Variants in TENM2 observed in about 807,000 individuals in gnomAD.
TENM2 encodes teneurin-2.
A neutral mutation model predicts 245.2 loss-of-function variants in TENM2; 52 were observed. The observed-to-expected ratio is 0.21, with a 90% confidence interval of 0.17 to 0.27. The LOEUF is 0.27. Among genes scored for constraint, TENM2 ranks in the 10% least tolerant of loss-of-function variants. TENM2 has a pLI of 1.00. For missense variants in TENM2, 3,046 were observed against 3,666.8 expected, an observed-to-expected ratio of 0.83 and a Z score of 4.37; for synonymous variants, 1,363 against 1,438.9, an observed-to-expected ratio of 0.95 and a Z score of 1.19.
At chr5:167,578,105 G>T (rs1774836981) in intron 2 of TENM2, among the ~76,000 whole-genome samples, 1 of 152,186 alleles carries the variant, frequency 6.6e-6, no homozygotes. Flanking sequence ...CACTGGAGAG[G>T]GGTGATCTGG....
At chr5:167,194,550 C>G in the TENM2 span, among the ~76,000 whole-genome samples, 3 of 151,880 alleles carry the variant, frequency 2.0e-5, no homozygotes, top group Admixed American at 6.6e-5. Context: ...ATGTGAGGCA[C>G]CTGTGACTTT....
chr5:167,088,721 A>T, the TENM2 span, among the ~76,000 whole-genome samples: 1 of 152,160 alleles, frequency 6.6e-6, no homozygotes, highest in Admixed American at 6.5e-5. Flanking sequence ...AGCTAATACC[A>T]ATAATGATAC....
rs533362058 is a variant in TENM2, at chr5:167,681,701, C to T, written c.503-194285C>T. 7.9e-5 allele frequency among the ~76,000 whole-genome samples: 12 copies of T among 152,080 alleles called. No individual in the cohort carries two copies. In the East Asian group the frequency reaches 1.7e-3, roughly 22 times the overall value. ...TACATAATACATACAAATATATGTACACATGCCCAAATTGCCCTCCAAAAA... is the reference window on the plus strand; with the variant it reads ...TACATAATACATACAAATATATGTATACATGCCCAAATTGCCCTCCAAAAA... On this transcript the variant is annotated intron_variant, in intron 2 of 28. Coordinates refer to ENST00000518659, the Ensembl canonical transcript of TENM2.
intron 2 of TENM2, among the ~76,000 whole-genome samples, chr5:167,826,093 A>C (rs1201481582): frequency 6.6e-6 from 1 of 152,192 alleles, no homozygotes; most frequent in African/African-American, 2.4e-5. Flanking sequence ...CATGTGCAAA[A>C]AAACAAACAA....
rs1306680068 is a variant in TENM2 at position 168,034,140 on chromosome 5, C to CAT, written c.1187-13280_1187-13279dup. Reference sequence around the variant, plus strand: ...ATATGTGTATATATATATATGTATACATATATATGTGTATATATATATGTA... The same window carrying CAT: ...ATATGTGTATATATATATATGTATACATATATATATGTGTATATATATATGTA... On this transcript the variant is annotated intron_variant, in intron 5 of 28. Transcript: ENST00000518659. Among the ~76,000 whole-genome samples, 4 of 93,140 alleles carry CAT rather than the reference C, an allele frequency of 4.3e-5. No homozygotes were observed. The South Asian group carries it at 1.2e-3, about 29-fold the overall frequency. The allele number at this position is 93,140 out of a possible 152,430, so 61.1% of individuals were successfully genotyped here.
chr5:167,170,176 G>T, the TENM2 span, among the ~76,000 whole-genome samples: 1 of 152,200 alleles, frequency 6.6e-6, no homozygotes, highest in Non-Finnish European at 1.5e-5. Context: ...TAAGCATACC[G>T]TAGAATTCCT....
At chr5:167,463,018 G>A (rs1024292798) in intron 2 of TENM2, among the ~76,000 whole-genome samples, 1 of 152,110 alleles carries the variant, frequency 6.6e-6, no homozygotes, top group African/African-American at 2.4e-5. Flanking sequence ...CATTCAAGAG[G>A]ATATTGGATG....
chr5:167,784,352 G>T (rs1764420573), intron 2 of TENM2, among the ~76,000 whole-genome samples: 1 of 152,192 alleles, frequency 6.6e-6, no homozygotes, highest in Admixed American at 6.5e-5. Flanking sequence ...ACAGAGCCTA[G>T]TCCATAGAAT....
the TENM2 span, among the ~76,000 whole-genome samples, chr5:167,277,239 A>G: frequency 6.6e-6 from 1 of 151,938 alleles, no homozygotes; most frequent in African/African-American, 2.4e-5. Context: ...TGTCCAGTGT[A>G]TGCATTTACT....
At chr5:167,801,123 T>A (rs1235046078) in intron 2 of TENM2, among the ~76,000 whole-genome samples, 5,433 of 63,664 alleles carry the variant, frequency 0.085, 321 homozygotes, top group Non-Finnish European at 0.099. Flanking sequence ...TATATATATA[T>A]ATATATATAT....
At chr5:168,002,453 G>T (rs1257881208) in intron 5 of TENM2, among the ~76,000 whole-genome samples, 1 of 152,206 alleles carries the variant, frequency 6.6e-6, no homozygotes, top group African/African-American at 2.4e-5. Context: ...ACAGGGAAGG[G>T]TCAGTGGCAG....
intron 17 of TENM2, among the ~76,000 whole-genome samples, chr5:168,201,152 C>CTCA (rs1761902498): frequency 6.6e-6 from 1 of 152,078 alleles, no homozygotes; most frequent in Non-Finnish European, 1.5e-5. Context: ...GTCACACCTG[C>CTCA]TCAGAATACA....
At chr5:167,279,562 CTTCCTTCT>C in the TENM2 span, among the ~76,000 whole-genome samples, 1 of 119,700 alleles carries the variant, frequency 8.4e-6, no homozygotes, top group African/African-American at 3.4e-5. Flanking sequence ...TCCTTCCTTC[CTTCCTTCT>C]TTCTTCTGTT....
the TENM2 span, among the ~76,000 whole-genome samples, chr5:167,187,475 C>G: frequency 2.6e-5 from 4 of 152,134 alleles, no homozygotes; most frequent in Admixed American, 1.3e-4. Flanking sequence ...CTTTACATGA[C>G]AGATGTTTGG....
the TENM2 span, among the ~76,000 whole-genome samples, chr5:167,210,451 A>ATTT: frequency 4.1e-3 from 420 of 101,208 alleles, 3 homozygotes; most frequent in African/African-American, 0.014. Flanking sequence ...TTTTCACTGC[A>ATTT]TTTTTTTTTT....
intron 2 of TENM2, among the ~76,000 whole-genome samples, chr5:167,610,583 A>G (rs1360529086): frequency 1.3e-5 from 2 of 152,138 alleles, no homozygotes; most frequent in African/African-American, 2.4e-5. Flanking sequence ...GCAAATATAT[A>G]TTACTTCTTA....
At chr5:167,753,394 A>C (rs757334812) in intron 2 of TENM2, among the ~76,000 whole-genome samples, 2 of 152,158 alleles carry the variant, frequency 1.3e-5, no homozygotes, top group African/African-American at 2.4e-5. Context: ...CCAGGAGCTT[A>C]ATTTGGGCTC....
intron 2 of TENM2, among the ~76,000 whole-genome samples, chr5:167,512,930 A>G (rs568828327): frequency 3.9e-5 from 6 of 152,308 alleles, no homozygotes; most frequent in African/African-American, 1.4e-4. Context: ...CTAGTTGTCA[A>G]TGCCCTTAAA....
intron 2 of TENM2, among the ~76,000 whole-genome samples, chr5:167,687,853 A>T (rs1434329431): frequency 6.6e-6 from 1 of 152,220 alleles, no homozygotes; most frequent in Non-Finnish European, 1.5e-5. Flanking sequence ...AAGAAAAAAA[A>T]GCACTTGAAA....
Sources: gnomAD v4.1 joint callset for allele counts (sites outside exome capture counted in the v4.1 genomes callset) on GRCh38, gnomAD v4.1.1 for gene constraint, MANE v1.5 for transcripts, NCBI Gene and HGNC (gene_info 2026-07-23, HGNC 2026-07-21) for gene names.